Variants in ACACB observed in about 807,000 individuals in gnomAD.
ACACB encodes acetyl-CoA carboxylase 2.
Under a neutral mutation model 278.8 loss-of-function variants are expected in ACACB, and 209 were observed. The ratio of observed to expected loss-of-function variants is 0.75; its 90% confidence interval spans 0.67 to 0.84. ACACB has a LOEUF of 0.84. ACACB is among the 40% of genes least tolerant of loss of function. The probability of loss-of-function intolerance (pLI) is 0.00; values close to 1 mark genes in which losing one functional copy is unlikely to be tolerated. For missense variants in ACACB, 2,850 were observed against 3,269.0 expected (o/e 0.87, Z 3.13); for synonymous variants, 1,174 against 1,285.6 (o/e 0.91, Z 1.86).
intron 2 of ACACB, among the ~76,000 whole-genome samples, chr12:109,150,102 C>T (rs1046831745): frequency 6.6e-6 from 1 of 152,144 alleles, no homozygotes; most frequent in East Asian, 1.9e-4. Flanking sequence ...ACCCATGGTG[C>T]GATCATGGTC....
intron 11 of ACACB, among the ~76,000 whole-genome samples, chr12:109,184,641 GTCTTTAATC>G (rs2044591481): frequency 6.6e-6 from 1 of 151,208 alleles, no homozygotes; most frequent in African/African-American, 2.4e-5. Context: ...ATTTTCATGT[GTCTTTAATC>G]TCTTTAATCT....
At chr12:109,234,192 T>C in intron 31 of ACACB, 147 bp downstream of exon 31, 1 of 675,174 alleles carries the variant, frequency 1.5e-6, no homozygotes, top group Non-Finnish European at 2.6e-6. Context: ...GCTCGCCTCA[T>C]AGCTGGCGAC....
intron 7 of ACACB, among the ~76,000 whole-genome samples, chr12:109,175,302 G>A (rs1437591550): frequency 6.6e-6 from 1 of 152,088 alleles, no homozygotes; most frequent in Non-Finnish European, 1.5e-5. Flanking sequence ...TTTGCATGGT[G>A]TTGGGAAATA....
At chr12:109,135,263 C>T (rs1175018653) in intron 1 of ACACB, among the ~76,000 whole-genome samples, 1 of 152,086 alleles carries the variant, frequency 6.6e-6, no homozygotes, top group Non-Finnish European at 1.5e-5. Flanking sequence ...TTTGCATTTT[C>T]CTGACACCTA....
intron 2 of ACACB, among the ~76,000 whole-genome samples, chr12:109,140,992 G>A (rs562236686): frequency 6.3e-5 from 9 of 143,342 alleles, no homozygotes; most frequent in African/African-American, 1.3e-4. Context: ...TCAAACTCCC[G>A]GGCTCAAGCA....
Position 109,258,921 on chromosome 12 carries a change from C to T in ACACB, c.6361-52C>T, listed in dbSNP as rs1261331130. On this transcript the variant is annotated intron_variant, in intron 46 of 52. Coordinates refer to ENST00000338432, the MANE Select transcript of ACACB (RefSeq NM_001093.4). Reference sequence around the variant, plus strand: ...GAGGTTCTGGCAGCCGTCCCTCTGTCCTGGGTTGTGGTTGTGCAGAGACAT... The same window carrying T: ...GAGGTTCTGGCAGCCGTCCCTCTGTTCTGGGTTGTGGTTGTGCAGAGACAT... 4.4e-5 allele frequency: 70 copies of T among 1,605,154 alleles called. 1 individual carries two copies. Among genetic ancestry groups the T allele is most frequent in the Non-Finnish European group, 5.8e-5 (68 of 1,174,928 alleles).
At chr12:109,256,268 G>C in intron 45 of ACACB, 32 bp downstream of exon 45, 1 of 1,592,250 alleles carries the variant, frequency 6.3e-7, no homozygotes, top group African/African-American at 1.3e-5. Context: ...GGCTGCCCAT[G>C]TCTGACTCAC....
chr12:109,241,039 T>A (rs2046781162), intron 35 of ACACB, 39 bp from the exon 36 acceptor site: 1 of 1,601,446 alleles, frequency 6.2e-7, no homozygotes, highest in African/African-American at 1.3e-5. Flanking sequence ...CCTTGGGATG[T>A]CTTGGCCCTG....
intron 34 of ACACB, among the ~76,000 whole-genome samples, chr12:109,238,320 TTGCA>T (rs2046690317): frequency 6.8e-6 from 1 of 147,474 alleles, no homozygotes; most frequent in African/African-American, 2.5e-5. Context: ...TATTATTTCC[TTGCA>T]TGGATGTACC....
chr12:109,206,454 C>T (rs1402823711), intron 19 of ACACB, among the ~76,000 whole-genome samples: 1 of 128,304 alleles, frequency 7.8e-6, no homozygotes, highest in African/African-American at 3.7e-5. Context: ...ACAGATCTCA[C>T]CGCCACCCCA....
At chr12:109,188,950 C>T (rs1163339092) in intron 13 of ACACB, among the ~76,000 whole-genome samples, 3 of 152,098 alleles carry the variant, frequency 2.0e-5, no homozygotes, top group Non-Finnish European at 2.9e-5. Context: ...AGGAGTGTGT[C>T]CTGCTGTGAA....
At chr12:109,154,562 C>A (rs2136094224) in intron 2 of ACACB, 2 of 152,280 alleles carry the variant, frequency 1.3e-5, no homozygotes, top group Admixed American at 1.3e-4. Flanking sequence ...GGTAGGCCGG[C>A]CCGGGGGCGG....
chr12:109,253,704 T>C (rs1298165179), intron 43 of ACACB, among the ~76,000 whole-genome samples: 1 of 152,230 alleles, frequency 6.6e-6, no homozygotes, highest in African/African-American at 2.4e-5. Flanking sequence ...GTAACATTCC[T>C]TACAAATGAG....
intron 40 of ACACB, among the ~76,000 whole-genome samples, chr12:109,248,596 T>C (rs2047012126): frequency 6.6e-6 from 1 of 152,200 alleles, no homozygotes; most frequent in Non-Finnish European, 1.5e-5. Flanking sequence ...GTGAGAAAGA[T>C]GAAAGCCAGA....
chr12:109,123,656 A>G (rs377711261), intron 1 of ACACB, among the ~76,000 whole-genome samples: 37 of 149,658 alleles, frequency 2.5e-4, no homozygotes, highest in Admixed American at 3.3e-4. Context: ...TTGTGCCACT[A>G]CACTCCAGCC....
chr12:109,206,230 T>G (rs572477746), intron 19 of ACACB, among the ~76,000 whole-genome samples: 1 of 151,894 alleles, frequency 6.6e-6, no homozygotes, highest in African/African-American at 2.4e-5. Context: ...GGTCAAGAGA[T>G]CAAGACCATC....
At chr12:109,227,597 G>A (rs2046350205) in intron 28 of ACACB, 108 bp downstream of exon 28, 5 of 1,029,580 alleles carry the variant, frequency 4.9e-6, no homozygotes, top group Non-Finnish European at 2.9e-6. Flanking sequence ...CGCTGCTGGG[G>A]AGACATCAGC....
At chr12:109,236,035 G>A in intron 33 of ACACB, 1 of 176,638 alleles carries the variant, frequency 5.7e-6, no homozygotes, top group Non-Finnish European at 1.2e-5. Context: ...GTCTCACTAT[G>A]TTGCCCAGGC....
Position 109,265,218 on chromosome 12 carries a change from A to T in ACACB, c.7051A>T (p.Ser2351Cys). 1 of 1,613,672 alleles carries T rather than the reference A, an allele frequency of 6.2e-7. No individual in the cohort carries two copies. Among genetic ancestry groups the T allele is most frequent in the Non-Finnish European group, 8.5e-7 (1 of 1,180,030 alleles). The change falls in exon 51 of 53, where the codon AGT becomes TGT. Residue 2351 changes from serine (S) to cysteine (C), a missense_variant. By Grantham distance (112) the Ser-to-Cys change is moderately radical. Transcript: ENST00000338432. The stretch of plus-strand genomic sequence containing the variant: ...GATCCTGCAGGCCAGCGGGGAGCTG[A>T]GTCACGTGCATATCCAGTCCATGCT... ...QEILQASGEL[S>C]HVHIQSMLRR...
Sources: gnomAD v4.1 joint callset for allele counts (sites outside exome capture counted in the v4.1 genomes callset) on GRCh38, gnomAD v4.1.1 for gene constraint, MANE v1.5 for transcripts, NCBI Gene and HGNC (gene_info 2026-07-23, HGNC 2026-07-21) for gene names.